Variants in PTER observed in about 807,000 individuals in gnomAD.
PTER encodes the protein phosphotriesterase related.
PTER carries 38 observed loss-of-function variants against 29.6 expected under a neutral mutation model. The observed-to-expected ratio is 1.28, with a 90% CI of 0.99 to 1.68. The LOEUF (loss-of-function observed/expected upper bound fraction) is 1.68, where lower values mean the gene tolerates loss of function less well. Among genes scored for constraint, PTER ranks in the 40% most tolerant of loss-of-function variants. The probability of loss-of-function intolerance (pLI) is 0.00; values close to 1 mark genes in which losing one functional copy is unlikely to be tolerated. For missense variants in PTER, 482 were observed against 427.8 expected (o/e 1.13, Z -1.12); for synonymous variants, 172 against 154.5 (o/e 1.11, Z -0.84).
At chr10:16,445,367 G>A (rs1401742774) in intron 1 of PTER, among the ~76,000 whole-genome samples, 2 of 152,136 alleles carry the variant, frequency 1.3e-5, no homozygotes, top group Admixed American at 1.3e-4. Flanking sequence ...AGCCTAGATC[G>A]TGCCACTGCA....
At chr10:16,446,486 C>T (rs1198254308) in intron 1 of PTER, among the ~76,000 whole-genome samples, 1 of 152,098 alleles carries the variant, frequency 6.6e-6, no homozygotes, top group African/African-American at 2.4e-5. Flanking sequence ...TCTTTTCACT[C>T]TTTGCCTGTT....
downstream of PTER, chr10:16,514,334 G>C: frequency 5.1e-6 from 3 of 590,664 alleles, no homozygotes; most frequent in Non-Finnish European, 6.0e-6. Flanking sequence ...TCACACATCT[G>C]CTTATCTTGC....
At chr10:16,492,174 A>T (rs1835923477) in intron 3 of PTER, among the ~76,000 whole-genome samples, 1 of 152,168 alleles carries the variant, frequency 6.6e-6, no homozygotes, top group South Asian at 2.1e-4. Flanking sequence ...GCCGTCCCCT[A>T]ACCATCTGCT....
downstream of PTER, among the ~76,000 whole-genome samples, chr10:16,517,243 C>A (rs570889967): frequency 2.6e-5 from 4 of 152,272 alleles, no homozygotes; most frequent in South Asian, 8.3e-4. Flanking sequence ...TATTTAGATT[C>A]TGCTTTATGT....
At chr10:16,493,711 T>G (rs1835989448) in intron 3 of PTER, among the ~76,000 whole-genome samples, 4 of 147,478 alleles carry the variant, frequency 2.7e-5, no homozygotes, top group African/African-American at 7.6e-5. Context: ...GCAGAAAGGA[T>G]GGAAGGAAGG....
intron 1 of PTER, among the ~76,000 whole-genome samples, chr10:16,440,257 G>A (rs942876461): frequency 5.3e-5 from 8 of 151,326 alleles, no homozygotes; most frequent in Non-Finnish European, 1.2e-4. Flanking sequence ...TGGTAGAGAC[G>A]GGGTTTCATC....
At chr10:16,453,312 AGTTGT>A (rs1210800094) in intron 1 of PTER, among the ~76,000 whole-genome samples, 7 of 152,162 alleles carry the variant, frequency 4.6e-5, no homozygotes, top group African/African-American at 1.2e-4. Context: ...TAGTTTCTGT[AGTTGT>A]GTTGTGATTA....
At chr10:16,487,200 A>G (rs112499741) in intron 3 of PTER, among the ~76,000 whole-genome samples, 2,402 of 152,322 alleles carry the variant, frequency 0.016, 65 homozygotes, top group African/African-American at 0.055. Flanking sequence ...GTAACAAGTT[A>G]TCACAAACTG....
chr10:16,444,684 C>T (rs1177950672), intron 1 of PTER, among the ~76,000 whole-genome samples: 2 of 152,158 alleles, frequency 1.3e-5, no homozygotes, highest in African/African-American at 4.8e-5. Flanking sequence ...TGAGCCACCA[C>T]AACCAGCTAG....
chr10:16,514,442 G>C, downstream of PTER: 1 of 1,152,024 alleles, frequency 8.7e-7, no homozygotes, highest in Admixed American at 2.0e-5. Context: ...CCTGCCATTG[G>C]CATCCCCTGG....
chr10:16,449,071 TG>T (rs1834111694), intron 1 of PTER, among the ~76,000 whole-genome samples: 1 of 152,218 alleles, frequency 6.6e-6, no homozygotes, highest in African/African-American at 2.4e-5. Flanking sequence ...AGGGATGTGG[TG>T]GGAATCACCA....
intron 1 of PTER, among the ~76,000 whole-genome samples, chr10:16,475,603 G>A (rs893853963): frequency 1.3e-5 from 2 of 152,144 alleles, no homozygotes. Flanking sequence ...TCTGGTACAG[G>A]GTAGAAGGGG....
intron 1 of PTER, among the ~76,000 whole-genome samples, chr10:16,457,264 G>C (rs933438189): frequency 2.0e-5 from 3 of 152,192 alleles, no homozygotes; most frequent in Non-Finnish European, 2.9e-5. Context: ...CCAGGCTGGA[G>C]TGCAGTGGCG....
At chr10:16,487,113 A>T (rs1194641466) in intron 3 of PTER, among the ~76,000 whole-genome samples, 1 of 152,224 alleles carries the variant, frequency 6.6e-6, no homozygotes, top group Non-Finnish European at 1.5e-5. Flanking sequence ...AATTTTGGAA[A>T]ATGCAATTAT....
intron 3 of PTER, 129 bp from the exon 4 acceptor site, chr10:16,504,891 T>A: frequency 1.0e-6 from 1 of 995,836 alleles, no homozygotes; most frequent in South Asian, 1.8e-5. Flanking sequence ...AAGAGCCATT[T>A]CAGAAGTGTC....
At chr10:16,448,484 G>A (rs185178240) in intron 1 of PTER, among the ~76,000 whole-genome samples, 9 of 152,248 alleles carry the variant, frequency 5.9e-5, no homozygotes, top group Admixed American at 5.9e-4. Context: ...TTGTAGGAGG[G>A]GCCAAATGCA....
At chr10:16,493,719 A>G (rs977895381) in intron 3 of PTER, among the ~76,000 whole-genome samples, 3 of 152,038 alleles carry the variant, frequency 2.0e-5, no homozygotes, top group Non-Finnish European at 4.4e-5. Context: ...GATGGAAGGA[A>G]GGGGAGGGAG....
chr10:16,439,204 A>T (rs1242656944), intron 1 of PTER, among the ~76,000 whole-genome samples: 1 of 152,172 alleles, frequency 6.6e-6, no homozygotes, highest in African/African-American at 2.4e-5. Context: ...ATCCAGCCAG[A>T]AGGTGGCTAG....
At chr10:16,506,728 C>T (rs1277129782) in intron 4 of PTER, among the ~76,000 whole-genome samples, 1 of 151,886 alleles carries the variant, frequency 6.6e-6, no homozygotes, top group Non-Finnish European at 1.5e-5. Flanking sequence ...GCCACATGTC[C>T]TCTAGTGTCT....
Sources: allele counts gnomAD v4.1 joint callset (sites outside exome capture counted in the v4.1 genomes callset), GRCh38; gene constraint gnomAD v4.1.1; transcripts MANE v1.5; gene names NCBI Gene and HGNC (gene_info 2026-07-23, HGNC 2026-07-21).